Variants in DTD1 observed in about 807,000 individuals in gnomAD.
DTD1 encodes D-tyrosyl-tRNA deacylase 1 homolog.
Under a neutral mutation model 25.6 loss-of-function variants are expected in DTD1, and 13 were observed. That is an observed-to-expected ratio of 0.51 (90% CI 0.33 to 0.81). The LOEUF (loss-of-function observed/expected upper bound fraction) is 0.81. Ranked by LOEUF, DTD1 falls within the 30% of genes least tolerant of loss-of-function variation. The pLI, the probability that DTD1 is intolerant of heterozygous loss-of-function variation, is 0.02. For synonymous variants in DTD1, 110 were observed against 103.6 expected (o/e 1.06, Z -0.37); for missense variants, 193 against 266.4 (o/e 0.72, Z 1.92).
chr20:18,631,465 C>G (rs1272806672), intron 4 of DTD1: 1 of 985,490 alleles, frequency 1.0e-6, no homozygotes, highest in African/African-American at 1.7e-5. Flanking sequence ...GTCTGCCTCT[C>G]ACAGTCATCC....
At chr20:18,704,301 G>C (rs1818158148) in intron 4 of DTD1, among the ~76,000 whole-genome samples, 1 of 152,142 alleles carries the variant, frequency 6.6e-6, no homozygotes, top group Admixed American at 6.6e-5. Context: ...CGCCCAGCCA[G>C]TAGTTCGTAG....
chr20:18,629,296 CTTTTTTTTTT>C (rs35174616), intron 4 of DTD1, among the ~76,000 whole-genome samples: 1 of 69,222 alleles, frequency 1.4e-5, no homozygotes, highest in Non-Finnish European at 2.6e-5. Context: ...TGTGCTCGGC[CTTTTTTTTTT>C]TTTTTTTTTT....
intron 4 of DTD1, among the ~76,000 whole-genome samples, chr20:18,673,821 G>A (rs767295051): frequency 6.6e-6 from 1 of 151,820 alleles, no homozygotes; most frequent in African/African-American, 2.4e-5. Context: ...TCTATAAATT[G>A]TGTGGTGGCC....
chr20:18,757,485 C>G (rs2061343845), intron 5 of DTD1, among the ~76,000 whole-genome samples: 1 of 152,134 alleles, frequency 6.6e-6, no homozygotes, highest in African/African-American at 2.4e-5. Context: ...GCATGAAGTG[C>G]TGTTGAATTT....
In DTD1 at chr20:18,597,154, A is replaced by AGT. The variant is rs4052788; in HGVS notation, c.370+958_370+959dup. Among the ~76,000 whole-genome samples, 993 of 143,538 alleles carry AGT rather than the reference A, an allele frequency of 6.9e-3. 4 individuals are homozygous for AGT. Among genetic ancestry groups the AGT allele is most frequent in the African/African-American group, 0.018 (694 of 38,394 alleles). The allele number at this position is 143,538 out of a possible 152,430, so 94.2% of individuals were successfully genotyped here. A position where few individuals can be genotyped will look rare whatever the true frequency, so the allele number is the denominator to read the frequency against. On this transcript the variant is annotated intron_variant, in intron 3 of 5. Transcript: ENST00000377452. ...CTCTCTCTTTTAGTAGATGAGAGAA[A>AGT]GTGTGTGTGTGTGTGTGTGTGTGTG...
At chr20:18,720,713 C>T (rs1273227178) in intron 4 of DTD1, among the ~76,000 whole-genome samples, 1 of 152,062 alleles carries the variant, frequency 6.6e-6, no homozygotes, top group African/African-American at 2.4e-5. Flanking sequence ...CAAAAATTAG[C>T]CAGGCATGGC....
intron 5 of DTD1, among the ~76,000 whole-genome samples, chr20:18,761,404 C>G (rs1031139235): frequency 3.3e-5 from 5 of 152,082 alleles, no homozygotes; most frequent in African/African-American, 1.2e-4. Flanking sequence ...CTTTGGAATA[C>G]TTTTTCTAAA....
At chr20:18,668,556 C>T (rs2060940415) in intron 4 of DTD1, among the ~76,000 whole-genome samples, 1 of 152,130 alleles carries the variant, frequency 6.6e-6, no homozygotes, top group African/African-American at 2.4e-5. Flanking sequence ...GTTAGCTTGA[C>T]CCACACCTGT....
chr20:18,757,738 TG>T (rs1215167895), intron 5 of DTD1, among the ~76,000 whole-genome samples: 2 of 152,350 alleles, frequency 1.3e-5, no homozygotes, highest in Admixed American at 1.3e-4. Flanking sequence ...TTCTCTTTTT[TG>T]GTTGTGTCTC....
At chr20:18,589,921 TG>T (rs11285668) in intron 1 of DTD1, among the ~76,000 whole-genome samples, 62,395 of 152,014 alleles carry the variant, frequency 0.41, 13,214 homozygotes, top group South Asian at 0.47. Context: ...TGGGGAACTG[TG>T]GAATTCTGTT....
intron 4 of DTD1, among the ~76,000 whole-genome samples, chr20:18,661,651 G>GT (rs764839742): frequency 6.6e-6 from 1 of 152,108 alleles, no homozygotes. Context: ...GATTAGAGGC[G>GT]TGAGCCACTG....
chr20:18,760,219 C>A (rs1317972962), intron 5 of DTD1, among the ~76,000 whole-genome samples: 1 of 152,164 alleles, frequency 6.6e-6, no homozygotes, highest in Non-Finnish European at 1.5e-5. Context: ...TCATCTGAAG[C>A]CTTCTTCTCT....
intron 4 of DTD1, among the ~76,000 whole-genome samples, chr20:18,729,986 T>A (rs1462719417): frequency 6.6e-6 from 1 of 152,092 alleles, no homozygotes; most frequent in Non-Finnish European, 1.5e-5. Flanking sequence ...TGTCTTTTCT[T>A]CTAGGTGGGG....
chr20:18,713,123 C>T lies in DTD1; in HGVS notation c.478-30977C>T, dbSNP rs144379534. On this transcript the variant is annotated intron_variant, in intron 4 of 5. Transcript: ENST00000377452. ...TGCTCCCCCTCCCATGGCCTCCTGC[C>T]GAGGCTGGCCCTCCGGGCATCTTTT... 3.2e-3 allele frequency among the ~76,000 whole-genome samples: 492 copies of T among 152,374 alleles called. 3 individuals carry two copies. Among genetic ancestry groups the T allele is most frequent in the African/African-American group, 0.011 (472 of 41,588 alleles).
At chr20:18,630,063 T>C (rs1301668867) in intron 4 of DTD1, among the ~76,000 whole-genome samples, 2 of 151,982 alleles carry the variant, frequency 1.3e-5, no homozygotes, top group East Asian at 3.9e-4. Context: ...GGAACATGTC[T>C]GATGTAGTAG....
Position 18,612,097 on chromosome 20 carries a change from G to C in DTD1, c.370+15856G>C, listed in dbSNP as rs377464295. Among the ~76,000 whole-genome samples, 6 of 147,830 alleles carry C rather than the reference G, an allele frequency of 4.1e-5. 1 individual carries two copies. The South Asian group carries it at 1.3e-3, about 32-fold the overall frequency. On this transcript the variant is annotated intron_variant, in intron 3 of 5. Coordinates refer to ENST00000377452, the MANE Select transcript of DTD1 (RefSeq NM_080820.6). ...TCGCCCAGGCTGGAGTGCAGTGGCG[G>C]GATCTCGGCTCACTGCAAGCTCCGC... is the stretch of plus-strand genomic sequence containing the variant.
chr20:18,649,470 C>G (rs1325075658), intron 4 of DTD1, among the ~76,000 whole-genome samples: 2 of 151,264 alleles, frequency 1.3e-5, no homozygotes, highest in Non-Finnish European at 2.9e-5. Context: ...TCCCGAGTAG[C>G]TGGCACTACA....
intron 4 of DTD1, chr20:18,632,299 G>A: frequency 1.0e-6 from 1 of 985,352 alleles, no homozygotes; most frequent in Admixed American, 6.1e-5. Context: ...AAATTGTCTT[G>A]CATCAACTTC....
intron 3 of DTD1, among the ~76,000 whole-genome samples, chr20:18,618,708 CACACAT>C (rs977867889): frequency 3.4e-5 from 5 of 146,786 alleles, no homozygotes; most frequent in African/African-American, 1.3e-4. Flanking sequence ...CACACACACA[CACACAT>C]ATAATTTTTT....
Sources: gnomAD v4.1 joint callset for allele counts (sites outside exome capture counted in the v4.1 genomes callset) on GRCh38, gnomAD v4.1.1 for gene constraint, MANE v1.5 for transcripts, NCBI Gene and HGNC (gene_info 2026-07-23, HGNC 2026-07-21) for gene names.